ATRN: variants seen among roughly 807,000 people sequenced by gnomAD.
ATRN encodes the protein attractin-2.
In ATRN, 54 loss-of-function variants were observed where a neutral mutation model predicts 178.7. The observed-to-expected ratio is 0.30, with a 90% CI of 0.24 to 0.38. The LOEUF (loss-of-function observed/expected upper bound fraction) is 0.38, where lower values mean the gene tolerates loss of function less well. Among genes scored for constraint, ATRN ranks in the 10% least tolerant of loss-of-function variants. The probability of loss-of-function intolerance (pLI) is 1.00; values close to 1 mark genes in which losing one functional copy is unlikely to be tolerated. For missense variants in ATRN, 1,443 were observed against 1,815.1 expected (o/e 0.79, Z 3.73); for synonymous variants, 636 against 663.0 (o/e 0.96, Z 0.63).
intron 1 of ATRN, among the ~76,000 whole-genome samples, chr20:3,491,167 C>A (rs181041745): frequency 4.6e-5 from 7 of 152,144 alleles, no homozygotes; most frequent in African/African-American, 1.7e-4. Context: ...TCAAAAAAAA[C>A]CCTTCTTTGA....
intron 1 of ATRN, among the ~76,000 whole-genome samples, chr20:3,518,227 A>C (rs1304372710): frequency 6.6e-6 from 1 of 152,170 alleles, no homozygotes; most frequent in Non-Finnish European, 1.5e-5. Flanking sequence ...ACTGCATTCG[A>C]ATTTCATCCT....
chr20:3,534,560 A>G (rs1394152333), intron 1 of ATRN, among the ~76,000 whole-genome samples: 1 of 152,218 alleles, frequency 6.6e-6, no homozygotes, highest in Non-Finnish European at 1.5e-5. Context: ...AGGCAGATCC[A>G]GAAGCGAGCA....
At chr20:3,525,697 C>G (rs1406161078) in intron 1 of ATRN, among the ~76,000 whole-genome samples, 1 of 152,194 alleles carries the variant, frequency 6.6e-6, no homozygotes, top group Admixed American at 6.5e-5. Context: ...AAAAGCTTAT[C>G]CACCACAATC....
chr20:3,649,531 A>C lies in ATRN; in HGVS notation c.*2684A>C, dbSNP rs911114370. ...TGTTCAGATGCATCTGGCACCAATT[A>C]GGTATTTCTTAAAACAGGACTCATC... On this transcript the variant is annotated 3_prime_UTR_variant, in exon 29 of 29. Transcript: ENST00000262919. The C allele has an allele frequency of 1.3e-5, 2 of 152,166 alleles. No homozygotes were observed. Among genetic ancestry groups the C allele is most frequent in the Non-Finnish European group, 2.9e-5 (2 of 68,022 alleles). The allele number at this position is 152,166 out of a possible 1,614,324, so 9.4% of individuals were successfully genotyped here. A position where few individuals can be genotyped will look rare whatever the true frequency, so the allele number is the denominator to read the frequency against.
At chr20:3,493,957 C>A (rs117911648) in intron 1 of ATRN, among the ~76,000 whole-genome samples, 1 of 152,008 alleles carries the variant, frequency 6.6e-6, no homozygotes, top group African/African-American at 2.4e-5. Flanking sequence ...TAGGCACTGG[C>A]GAAAAAGAGG....
intron 24 of ATRN, among the ~76,000 whole-genome samples, chr20:3,618,326 T>C (rs892737973): frequency 6.6e-6 from 1 of 152,122 alleles, no homozygotes; most frequent in Non-Finnish European, 1.5e-5. Context: ...GAAATAACAA[T>C]AAAAACATTA....
At chr20:3,577,041 T>G in intron 14 of ATRN, 44 bp downstream of exon 14, 2 of 1,603,606 alleles carry the variant, frequency 1.2e-6, no homozygotes, top group Non-Finnish European at 1.7e-6. Context: ...GTCCATTACT[T>G]CAGCCTGCTT....
intron 1 of ATRN, among the ~76,000 whole-genome samples, chr20:3,483,844 A>G (rs906206225): frequency 1.3e-5 from 2 of 152,182 alleles, no homozygotes; most frequent in African/African-American, 4.8e-5. Flanking sequence ...CAATTTCTGT[A>G]TATTATAAAT....
chr20:3,525,584 A>G (rs1237540875), intron 1 of ATRN, among the ~76,000 whole-genome samples: 1 of 152,222 alleles, frequency 6.6e-6, no homozygotes, highest in East Asian at 1.9e-4. Context: ...AAAACCTGGC[A>G]GAGACACAAC....
chr20:3,596,438 T>G lies in ATRN; in HGVS notation c.3469+9T>G. The G allele has an allele frequency of 6.2e-7, 1 of 1,611,220 alleles. No individual in the cohort carries two copies. Among genetic ancestry groups the G allele is most frequent in the Non-Finnish European group, 8.5e-7 (1 of 1,177,502 alleles). On this transcript the variant is annotated intron_variant, in intron 21 of 28. Coordinates refer to ENST00000262919, the MANE Select transcript of ATRN (RefSeq NM_139321.3). ...CAGAGGAACATGTTATTGTAAGTGG[T>G]TTTGCAATTCTTATTTCTAGAAGCA...
chr20:3,535,194 T>A (rs1387401900), intron 1 of ATRN, 59 bp from the exon 2 acceptor site: 1 of 678,064 alleles, frequency 1.5e-6, no homozygotes, highest in Non-Finnish European at 2.1e-6. Context: ...ATAAAATATA[T>A]AAAAATATAT....
At chr20:3,525,789 A>G (rs529328941) in intron 1 of ATRN, among the ~76,000 whole-genome samples, 27 of 152,344 alleles carry the variant, frequency 1.8e-4, no homozygotes, top group South Asian at 6.2e-4. Context: ...AAACAGAACC[A>G]ATGACAAAAA....
chr20:3,546,599 G>A (rs1462043753), intron 4 of ATRN, among the ~76,000 whole-genome samples: 1 of 151,834 alleles, frequency 6.6e-6, no homozygotes, highest in Non-Finnish European at 1.5e-5. Context: ...CACCATGTTG[G>A]CCAGGCTGGT....
rs1334712819 is a variant in ATRN at position 3,591,218 on chromosome 20, G to A, written c.3234G>A (p.Glu1078=). The change falls in exon 19 of 29, where the codon GAG becomes GAA. Residue 1078 remains glutamate, a synonymous_variant. Coordinates refer to ENST00000262919, the MANE Select transcript of ATRN (RefSeq NM_139321.3). ...AATGCATCAATCAGAGCATCTGTGA[G>A]AAGTGTGAGAACCTGACCACAGGCA... The part of the protein sequence containing the change: ...HSKCINQSIC[E]KCENLTTGKH... The A allele has an allele frequency of 6.2e-7, 1 of 1,614,096 alleles. No homozygotes were observed. Among genetic ancestry groups the A allele is most frequent in the Non-Finnish European group, 8.5e-7 (1 of 1,180,038 alleles).
intron 1 of ATRN, among the ~76,000 whole-genome samples, chr20:3,497,406 C>G (rs1173269740): frequency 6.6e-6 from 1 of 151,992 alleles, no homozygotes; most frequent in African/African-American, 2.4e-5. Flanking sequence ...GATTTTATTT[C>G]TCCTTCACTT....
intron 11 of ATRN, among the ~76,000 whole-genome samples, chr20:3,567,685 A>G (rs571011080): frequency 8.5e-5 from 13 of 152,348 alleles, no homozygotes; most frequent in African/African-American, 2.2e-4. Flanking sequence ...AAGTGGATCA[A>G]CAGCATTGGG....
intron 19 of ATRN, chr20:3,592,500 T>C (rs780271305): frequency 6.8e-5 from 67 of 981,564 alleles, no homozygotes; most frequent in Non-Finnish European, 7.7e-5. Flanking sequence ...GAACAAAAAT[T>C]ATGACAAGTG....
At chr20:3,574,200 C>T (rs1296642435) in intron 12 of ATRN, among the ~76,000 whole-genome samples, 6 of 150,866 alleles carry the variant, frequency 4.0e-5, no homozygotes, top group African/African-American at 1.0e-4. Flanking sequence ...AAACTTTTCA[C>T]GAATATAAAT....
intron 24 of ATRN, among the ~76,000 whole-genome samples, chr20:3,608,979 GA>G (rs71195846): frequency 4.2e-5 from 6 of 142,070 alleles, no homozygotes; most frequent in African/African-American, 5.2e-5. Context: ...AAAAAAAAAA[GA>G]AAAAAAAAAA....
Sources: allele counts gnomAD v4.1 joint callset (sites outside exome capture counted in the v4.1 genomes callset), GRCh38; gene constraint gnomAD v4.1.1; transcripts MANE v1.5; gene names NCBI Gene and HGNC (gene_info 2026-07-23, HGNC 2026-07-21).